The following NCALD variants were observed in gnomAD, a reference collection of about 807,000 sequenced individuals.
NCALD encodes the protein neurocalcin-delta.
In NCALD, 10 loss-of-function variants were observed where a neutral mutation model predicts 18.6. That is an observed-to-expected ratio of 0.54 (90% CI 0.33 to 0.91). The LOEUF (loss-of-function observed/expected upper bound fraction) is 0.91. NCALD is among the 40% of genes least tolerant of loss of function. The pLI is 0.03. For missense variants in NCALD, 184 were observed against 247.6 expected (o/e 0.74, Z 1.72); for synonymous variants, 88 against 87.4 (o/e 1.01, Z -0.04).
intron 1 of NCALD, among the ~76,000 whole-genome samples, chr8:102,083,517 T>C (rs1026169943): frequency 1.3e-5 from 2 of 152,228 alleles, no homozygotes; most frequent in Non-Finnish European, 2.9e-5. Context: ...TTTATTCTTT[T>C]TATCTTTAAC....
chr8:101,971,815 T>A (rs1368753435), intron 2 of NCALD, among the ~76,000 whole-genome samples: 2 of 152,168 alleles, frequency 1.3e-5, no homozygotes, highest in African/African-American at 4.8e-5. Flanking sequence ...TGACCTGGCC[T>A]CTTGACTCTA....
intron 4 of NCALD, among the ~76,000 whole-genome samples, chr8:101,871,583 C>CTTTTT (rs3056946): frequency 2.9e-5 from 4 of 138,892 alleles, no homozygotes; most frequent in African/African-American, 1.0e-4. Context: ...TTCAGATTTT[C>CTTTTT]TTTTTTTTTT....
chr8:102,107,196 A>AT (rs1491254662), intron 1 of NCALD, among the ~76,000 whole-genome samples: 2 of 4,206 alleles, frequency 4.8e-4, no homozygotes, highest in East Asian at 0.013. Context: ...ATGTGTGTAC[A>AT]TATATATATA....
chr8:101,805,968 G>C (rs1027949924), intron 4 of NCALD, among the ~76,000 whole-genome samples: 1 of 152,118 alleles, frequency 6.6e-6, no homozygotes, highest in Non-Finnish European at 1.5e-5. Flanking sequence ...CAAAAAATTA[G>C]TGGAGCCTAA....
chr8:101,788,958 T>C (rs1440833782), intron 1 of NCALD: 1 of 152,226 alleles, frequency 6.6e-6, no homozygotes, highest in African/African-American at 2.4e-5. Flanking sequence ...CTTTTAGTGA[T>C]AAACTTCATC....
At chr8:102,024,382 T>C (rs1697981734) in intron 1 of NCALD, among the ~76,000 whole-genome samples, 1 of 152,198 alleles carries the variant, frequency 6.6e-6, no homozygotes, top group Non-Finnish European at 1.5e-5. Context: ...ATCAAAAATA[T>C]TCAGAGAGAA....
chr8:102,005,987 A>G (rs924365659), intron 2 of NCALD, among the ~76,000 whole-genome samples: 7 of 151,990 alleles, frequency 4.6e-5, no homozygotes, highest in African/African-American at 1.5e-4. Flanking sequence ...TATGTAACTA[A>G]CCTGCACGTT....
intron 1 of NCALD, chr8:101,786,068 C>A (rs761326929): frequency 2.6e-5 from 4 of 152,264 alleles, no homozygotes; most frequent in Admixed American, 2.6e-4. Context: ...GGAAAGAGAA[C>A]CCCAGTTAAT....
intron 4 of NCALD, among the ~76,000 whole-genome samples, chr8:101,856,202 T>TG (rs1187648057): frequency 6.6e-6 from 1 of 152,170 alleles, no homozygotes; most frequent in Admixed American, 6.5e-5. Context: ...GACAGGGTCT[T>TG]GCTCTGTCAC....
At chr8:102,046,041 T>C (rs1019128814) in intron 1 of NCALD, among the ~76,000 whole-genome samples, 1 of 152,246 alleles carries the variant, frequency 6.6e-6, no homozygotes, top group East Asian at 1.9e-4. Flanking sequence ...TCCATGTACA[T>C]TGTAAATAAG....
chr8:101,959,535 C>A (rs1371740), intron 2 of NCALD, among the ~76,000 whole-genome samples: 62,093 of 151,954 alleles, frequency 0.41, 12,888 homozygotes, highest in Admixed American at 0.48. Flanking sequence ...ATTTATATTA[C>A]TGTGAACTCA....
intron 1 of NCALD, among the ~76,000 whole-genome samples, chr8:101,768,934 A>G (rs2130882345): frequency 6.6e-6 from 1 of 152,276 alleles, no homozygotes; most frequent in African/African-American, 2.4e-5. Context: ...TGAGGAGGGA[A>G]GGTTATTCTT....
At position 101,721,836 on chromosome 8, in the gene NCALD, T is replaced by G. The variant is rs117345207; in HGVS notation, c.-19-2188A>C. ...CCAACTGCTGTAGGAAGGAACTTAC[T>G]TTTTGGGTTCCCCCTGCCTTTTTTT... On this transcript the variant is annotated intron_variant, in intron 1 of 3. Coordinates refer to ENST00000220931, the MANE Select transcript of NCALD (RefSeq NM_032041.3). 2.2e-4 allele frequency among the ~76,000 whole-genome samples: 34 copies of G among 151,128 alleles called. 1 individual carries two copies. In the East Asian group the frequency reaches 5.7e-3, roughly 25 times the overall value.
At chr8:101,770,565 T>A (rs1811542503) in intron 1 of NCALD, among the ~76,000 whole-genome samples, 1 of 152,202 alleles carries the variant, frequency 6.6e-6, no homozygotes, top group African/African-American at 2.4e-5. Flanking sequence ...TGGCAAGTAG[T>A]TGCTACTTCT....
intron 1 of NCALD, among the ~76,000 whole-genome samples, chr8:101,753,465 G>T (rs144350302): frequency 6.6e-6 from 1 of 152,100 alleles, no homozygotes; most frequent in African/African-American, 2.4e-5. Context: ...ACTTGATTTC[G>T]TTCAGGAATT....
intron 2 of NCALD, among the ~76,000 whole-genome samples, chr8:101,980,021 G>C (rs538166282): frequency 6.6e-6 from 1 of 152,240 alleles, no homozygotes; most frequent in African/African-American, 2.4e-5. Flanking sequence ...AGCTCTGAGG[G>C]GCAAAAACAC....
At chr8:101,934,236 T>C (rs1818676418) in intron 2 of NCALD, among the ~76,000 whole-genome samples, 1 of 152,118 alleles carries the variant, frequency 6.6e-6, no homozygotes, top group South Asian at 2.1e-4. Context: ...TGTCAACCAG[T>C]GTACTCAAGG....
chr8:102,082,766 C>T (rs1004041032), intron 1 of NCALD, among the ~76,000 whole-genome samples: 1 of 152,186 alleles, frequency 6.6e-6, no homozygotes, highest in African/African-American at 2.4e-5. Flanking sequence ...AGCCTATTCA[C>T]TTCAGAAGAT....
intron 2 of NCALD, among the ~76,000 whole-genome samples, chr8:101,920,776 C>T (rs1009987408): frequency 7.9e-5 from 12 of 152,118 alleles, no homozygotes; most frequent in Admixed American, 4.6e-4. Flanking sequence ...CCATTGGGTA[C>T]TATGTTCAGT....
Sources: gnomAD v4.1 joint callset for allele counts (sites outside exome capture counted in the v4.1 genomes callset) on GRCh38, gnomAD v4.1.1 for gene constraint, MANE v1.5 for transcripts, NCBI Gene and HGNC (gene_info 2026-07-23, HGNC 2026-07-21) for gene names.